The following ANKS1B variants were observed in gnomAD, a reference collection of about 807,000 sequenced individuals.
ANKS1B encodes ankyrin repeat and sterile alpha motif domain containing 1B, also known as ankyrin repeat and sterile alpha motif domain-containing protein 1B.
In ANKS1B, 36 loss-of-function variants were observed where a neutral mutation model predicts 148.3. That is an observed-to-expected ratio of 0.24 (90% CI 0.19 to 0.32). The LOEUF (loss-of-function observed/expected upper bound fraction) is 0.32, where lower values mean the gene tolerates loss of function less well. Among genes scored for constraint, ANKS1B ranks in the 10% least tolerant of loss-of-function variants. The probability of loss-of-function intolerance (pLI) is 1.00; values close to 1 mark genes in which losing one functional copy is unlikely to be tolerated. For missense variants in ANKS1B, 1,157 were observed against 1,542.6 expected, an observed-to-expected ratio of 0.75 and a Z score of 4.19; for synonymous variants, 542 against 560.8, an observed-to-expected ratio of 0.97 and a Z score of 0.47.
At chr12:99,531,766 GAA>G (rs2096994394) in intron 9 of ANKS1B, among the ~76,000 whole-genome samples, 1 of 152,172 alleles carries the variant, frequency 6.6e-6, no homozygotes, top group Non-Finnish European at 1.5e-5. Flanking sequence ...TTAGTTCTCT[GAA>G]AAGTTGCCAC....
chr12:99,258,619 T>TTTG (rs1555360352), intron 12 of ANKS1B, among the ~76,000 whole-genome samples: 1 of 151,082 alleles, frequency 6.6e-6, no homozygotes. Flanking sequence ...TGTTTTTTTT[T>TTTG]TTTTTTTTTA....
At chr12:99,192,024 C>T (rs1206143115) in intron 14 of ANKS1B, among the ~76,000 whole-genome samples, 2 of 146,530 alleles carry the variant, frequency 1.4e-5, no homozygotes, top group African/African-American at 5.1e-5. Context: ...CCCAGCTACT[C>T]AGGAGGCTAA....
chr12:98,787,903 G>A (rs927319979), intron 22 of ANKS1B, among the ~76,000 whole-genome samples: 1 of 149,998 alleles, frequency 6.7e-6, no homozygotes, highest in Non-Finnish European at 1.5e-5. Context: ...CTGGGTGACA[G>A]AGCGAGACTC....
intron 8 of ANKS1B, among the ~76,000 whole-genome samples, chr12:99,732,315 G>T (rs768299892): frequency 6.6e-6 from 1 of 151,902 alleles, no homozygotes; most frequent in Non-Finnish European, 1.5e-5. Context: ...TTACCCAAGA[G>T]AAATAAAAAC....
intron 25 of ANKS1B, among the ~76,000 whole-genome samples, chr12:98,770,434 T>C (rs2098550921): frequency 6.6e-6 from 1 of 152,246 alleles, no homozygotes; most frequent in African/African-American, 2.4e-5. Context: ...ACCAGAAACC[T>C]AACACTGCAC....
At chr12:99,080,658 A>G (rs1265830002) in intron 16 of ANKS1B, among the ~76,000 whole-genome samples, 2 of 152,190 alleles carry the variant, frequency 1.3e-5, no homozygotes, top group African/African-American at 4.8e-5. Context: ...TTATATTATC[A>G]AAGGACAGAA....
chr12:99,819,809 A>G (rs1190742248), intron 2 of ANKS1B, among the ~76,000 whole-genome samples: 1 of 151,540 alleles, frequency 6.6e-6, no homozygotes, highest in African/African-American at 2.4e-5. Flanking sequence ...TGAAAAGAAG[A>G]GAGGAGAAAA....
chr12:99,251,101 T>A (rs1393082605), intron 12 of ANKS1B, among the ~76,000 whole-genome samples: 1 of 152,124 alleles, frequency 6.6e-6, no homozygotes, highest in Admixed American at 6.5e-5. Flanking sequence ...CTTAATCACC[T>A]ACCAAAAGGC....
chr12:99,253,226 GAAA>G, intron 12 of ANKS1B, among the ~76,000 whole-genome samples: 1 of 138,996 alleles, frequency 7.2e-6, no homozygotes. Flanking sequence ...ACCTTCTCTA[GAAA>G]AAAAAAAAAG....
chr12:99,522,992 T>C (rs2096890237), intron 9 of ANKS1B, among the ~76,000 whole-genome samples: 1 of 152,128 alleles, frequency 6.6e-6, no homozygotes, highest in Non-Finnish European at 1.5e-5. Flanking sequence ...AACCCAGAGG[T>C]AGACACAGTA....
At chr12:99,963,026 A>G (rs544460384) in intron 1 of ANKS1B, among the ~76,000 whole-genome samples, 1 of 151,948 alleles carries the variant, frequency 6.6e-6, no homozygotes, top group South Asian at 2.1e-4. Context: ...TGTTAGCCAG[A>G]ATGGTCTCGA....
intron 4 of ANKS1B, among the ~76,000 whole-genome samples, chr12:99,798,746 T>C (rs2066573545): frequency 6.6e-6 from 1 of 152,126 alleles, no homozygotes; most frequent in African/African-American, 2.4e-5. Context: ...ATTGTTGCTA[T>C]TCAAAAGAAG....
At chr12:99,599,444 T>G (rs2097783516) in intron 9 of ANKS1B, among the ~76,000 whole-genome samples, 1 of 152,060 alleles carries the variant, frequency 6.6e-6, no homozygotes, top group African/African-American at 2.4e-5. Flanking sequence ...ATTCTGTAGG[T>G]GACAGGTAAA....
intron 8 of ANKS1B, among the ~76,000 whole-genome samples, chr12:99,750,250 G>T (rs538469679): frequency 1.3e-5 from 2 of 152,070 alleles, no homozygotes; most frequent in South Asian, 4.1e-4. Flanking sequence ...AGAAGTAAAA[G>T]ACCCGCTATA....
Position 98,947,499 on chromosome 12 carries a change from A to G in ANKS1B, c.2778+105658T>C, listed in dbSNP as rs80045233. 1.6e-3 allele frequency among the ~76,000 whole-genome samples: 251 copies of G among 152,316 alleles called. 4 individuals carry two copies. The East Asian group carries it at 0.044, about 27-fold the overall frequency. On this transcript the variant is annotated intron_variant, in intron 17 of 26. Transcript: ENST00000683438. ...ACTCCAGCTGAAAGCAACCTAAATC[A>G]TTAACTCTCAAATTTACCTGACTTG...
At chr12:98,847,247 T>C (rs1356634099) in intron 17 of ANKS1B, among the ~76,000 whole-genome samples, 1 of 151,990 alleles carries the variant, frequency 6.6e-6, no homozygotes, top group Non-Finnish European at 1.5e-5. Context: ...TAAAATTTTC[T>C]ATTTAACCAT....
At chr12:99,315,103 C>T (rs890351236) in intron 12 of ANKS1B, among the ~76,000 whole-genome samples, 14 of 151,720 alleles carry the variant, frequency 9.2e-5, no homozygotes, top group Non-Finnish European at 1.6e-4. Flanking sequence ...ATTAGCTGGG[C>T]GTGGTGGTGC....
chr12:99,173,040 A>G lies in ANKS1B; in HGVS notation c.2420-18645T>C, dbSNP rs546219534. ...GTTAGGTACTATCTAAAATCCATGA[A>G]ATCTGTGATTTTGAAAGAACTCATC... On this transcript the variant is annotated intron_variant, in intron 14 of 26. Transcript: ENST00000683438. Among the ~76,000 whole-genome samples, 4 of 152,270 alleles carry G rather than the reference A, an allele frequency of 2.6e-5. No homozygotes were observed. The East Asian group carries it at 7.7e-4, about 29-fold the overall frequency.
intron 12 of ANKS1B, among the ~76,000 whole-genome samples, chr12:99,341,913 G>T (rs1603163911): frequency 6.6e-6 from 1 of 152,080 alleles, no homozygotes; most frequent in East Asian, 1.9e-4. Context: ...TTCATTACAT[G>T]ACTTCTCCTT....
Sources: gnomAD v4.1 joint callset for allele counts (sites outside exome capture counted in the v4.1 genomes callset) on GRCh38, gnomAD v4.1.1 for gene constraint, MANE v1.5 for transcripts, NCBI Gene and HGNC (gene_info 2026-07-23, HGNC 2026-07-21) for gene names.